Variants in A1CF observed in about 807,000 individuals in gnomAD.
The protein encoded by A1CF is APOBEC-1 stimulating protein.
A neutral mutation model predicts 68.9 loss-of-function variants in A1CF; 48 were observed. The ratio of observed to expected loss-of-function variants is 0.70; its 90% CI spans 0.55 to 0.89. The LOEUF is 0.89. A1CF is among the 40% of genes least tolerant of loss of function. A1CF has a pLI of 0.00. For missense variants in A1CF, 653 were observed against 718.9 expected, an observed-to-expected ratio of 0.91 and a Z score of 1.05; for synonymous variants, 272 against 260.4, an observed-to-expected ratio of 1.04 and a Z score of -0.43.
At position 50,806,849 on chromosome 10, in the gene A1CF, C is replaced by T. The variant is rs1209303940; in HGVS notation, c.1641G>A (p.Val547=). The T allele has an allele frequency of 2.2e-5, 35 of 1,612,974 alleles. No homozygotes were observed. The highest frequency in any genetic ancestry group is 4.0e-5 in the African/African-American group (3 of 74,966). ...GYAVPNATAP[V]SAAQLKQAVT... ...CCGCTTGCTTGAGCTGGGCTGCAGACACGGGTGCAGTTGCATTAGGGACAG... is the reference window on the plus strand; with the variant it reads ...CCGCTTGCTTGAGCTGGGCTGCAGATACGGGTGCAGTTGCATTAGGGACAG... Residue 547 remains valine (V), a synonymous_variant, in exon 13 of 13, where the codon GTG becomes GTA. Transcript: ENST00000373997.
intron 2 of A1CF, among the ~76,000 whole-genome samples, chr10:50,862,298 GA>G (rs1840784039): frequency 6.6e-6 from 1 of 151,968 alleles, no homozygotes; most frequent in African/African-American, 2.4e-5. Context: ...CCTGGGAGGT[GA>G]AGGTTGCAGT....
intron 11 of A1CF, 33 bp downstream of exon 11, chr10:50,811,007 T>G (rs989726101): frequency 1.1e-5 from 18 of 1,598,158 alleles, no homozygotes; most frequent in South Asian, 2.2e-5. Flanking sequence ...TATCCTGCTC[T>G]AAAATGGTAA....
chr10:50,828,512 G>C (rs954517882), intron 6 of A1CF: 1 of 375,032 alleles, frequency 2.7e-6, no homozygotes, highest in African/African-American at 2.1e-5. Flanking sequence ...TATAACTATC[G>C]ATTATAAAGG....
chr10:50,843,009 T>C (rs1839848666), intron 4 of A1CF, among the ~76,000 whole-genome samples: 1 of 152,212 alleles, frequency 6.6e-6, no homozygotes, highest in Non-Finnish European at 1.5e-5. Flanking sequence ...CAATTTACTA[T>C]CACTGGCTGC....
chr10:50,818,608 C>T (rs372694406), intron 8 of A1CF, among the ~76,000 whole-genome samples: 1 of 152,106 alleles, frequency 6.6e-6, no homozygotes, highest in African/African-American at 2.4e-5. Flanking sequence ...GAAAATCTAA[C>T]TTACAAATTG....
chr10:50,859,243 TA>T lies in A1CF; in HGVS notation c.99+598del, dbSNP rs539395217. On this transcript the variant is annotated intron_variant, in intron 3 of 12. Transcript: ENST00000373997. ...ATAAGTTCTCTAAAAGAAGATATCA[TA>T]AAGATAATAATAATATACAGATAAT... Among the ~76,000 whole-genome samples, 19 of 152,252 alleles carry T rather than the reference TA, an allele frequency of 1.2e-4. No individual in the cohort carries two copies. In the South Asian group the frequency reaches 2.1e-3, roughly 17 times the overall value.
At chr10:50,830,408 A>G (rs1446145846) in intron 6 of A1CF, among the ~76,000 whole-genome samples, 1 of 152,218 alleles carries the variant, frequency 6.6e-6, no homozygotes, top group African/African-American at 2.4e-5. Flanking sequence ...AAACAAGCTC[A>G]GTATAGCTGT....
chr10:50,832,303 T>C (rs2132412152), intron 6 of A1CF, among the ~76,000 whole-genome samples: 1 of 152,306 alleles, frequency 6.6e-6, no homozygotes, highest in South Asian at 2.1e-4. Context: ...ATCAGGGCTT[T>C]TGTTTTTTCC....
chr10:50,843,886 A>C (rs914311245), intron 4 of A1CF, 102 bp downstream of exon 4: 2 of 1,392,988 alleles, frequency 1.4e-6, no homozygotes, highest in African/African-American at 1.5e-5. Context: ...ATTGGAATGG[A>C]AACAGCCACT....
intron 1 of A1CF, among the ~76,000 whole-genome samples, chr10:50,876,679 C>T (rs1004169390): frequency 6.6e-6 from 1 of 152,120 alleles, no homozygotes; most frequent in Non-Finnish European, 1.5e-5. Context: ...TTCTGGGTCT[C>T]AAGCCTTTGG....
At position 50,863,345 on chromosome 10, in the gene A1CF, T is replaced by C. The variant is rs982934629; in HGVS notation, c.-46+688A>G. Among the ~76,000 whole-genome samples the C allele has an allele frequency of 2.0e-5, 3 of 152,222 alleles. No homozygotes were observed. In the East Asian group the frequency reaches 5.8e-4, roughly 29 times the overall value. ...CTTGGCCAAATTGAAATAAAGCCTTTGCAATACATCTTCTAATTTAGCACC... is the reference window on the plus strand; with the variant it reads ...CTTGGCCAAATTGAAATAAAGCCTTCGCAATACATCTTCTAATTTAGCACC... On this transcript the variant is annotated intron_variant, in intron 2 of 12. Transcript: ENST00000373997.
chr10:50,875,685 C>G (rs1003681222), intron 1 of A1CF, among the ~76,000 whole-genome samples: 2 of 152,192 alleles, frequency 1.3e-5, no homozygotes, highest in African/African-American at 4.8e-5. Flanking sequence ...TCTCTACACT[C>G]CTAGCTCTAT....
intron 6 of A1CF, among the ~76,000 whole-genome samples, chr10:50,833,604 T>C (rs1029029983): frequency 1.3e-5 from 2 of 152,188 alleles, no homozygotes; most frequent in Admixed American, 6.5e-5. Flanking sequence ...AAAGAAAAGT[T>C]TCTTGTTGTC....
chr10:50,810,110 G>A, intron 11 of A1CF, 68 bp from the exon 12 acceptor site: 2 of 1,568,336 alleles, frequency 1.3e-6, no homozygotes, highest in Non-Finnish European at 1.7e-6. Flanking sequence ...AAAACTTAAG[G>A]CACTATCAGC....
chr10:50,884,247 ATATCCAT>A (rs1841908440), intron 1 of A1CF, among the ~76,000 whole-genome samples: 1 of 152,216 alleles, frequency 6.6e-6, no homozygotes, highest in Admixed American at 6.5e-5. Context: ...TAGTGTTTTA[ATATCCAT>A]TATGTCATTT....
intron 12 of A1CF, among the ~76,000 whole-genome samples, chr10:50,807,181 G>A (rs921820570): frequency 4.6e-5 from 7 of 152,206 alleles, no homozygotes; most frequent in African/African-American, 1.4e-4. Context: ...AACTTAACAG[G>A]ATACTGAGTT....
chr10:50,873,194 G>C (rs1841356117), intron 1 of A1CF, among the ~76,000 whole-genome samples: 1 of 151,944 alleles, frequency 6.6e-6, no homozygotes, highest in Non-Finnish European at 1.5e-5. Flanking sequence ...GACCTCCAGT[G>C]ATTCACTCAC....
In A1CF at chr10:50,831,806, A is replaced by G. The variant is rs539758517; in HGVS notation, c.605-3511T>C. On this transcript the variant is annotated intron_variant, in intron 6 of 12. Transcript: ENST00000373997. Reference sequence around the variant, plus strand: ...GAAGAAATATAAATCGCCAACAGGTATATGAAAAAATGCTTAACATCTCTA... The same window carrying G: ...GAAGAAATATAAATCGCCAACAGGTGTATGAAAAAATGCTTAACATCTCTA... Among the ~76,000 whole-genome samples the G allele has an allele frequency of 5.3e-5, 8 of 152,332 alleles. No homozygotes were observed. The South Asian group carries it at 1.2e-3, about 24-fold the overall frequency.
In A1CF at chr10:50,802,910, G is replaced by A. The variant is rs1201620874; in HGVS notation, c.*3819C>T. On this transcript the variant is annotated 3_prime_UTR_variant, in exon 13 of 13. Transcript: ENST00000373997. Reference sequence around the variant, plus strand: ...AATAAAAATGGAACATTATATTGATGCAATATTTTGCTAATCTATGCAATC... The same window carrying A: ...AATAAAAATGGAACATTATATTGATACAATATTTTGCTAATCTATGCAATC... The A allele has an allele frequency of 2.0e-5, 3 of 152,032 alleles. No individual in the cohort carries two copies. Among genetic ancestry groups the A allele is most frequent in the Non-Finnish European group, 4.4e-5 (3 of 68,012 alleles). The allele number at this position is 152,032 out of a possible 1,614,324, so 9.4% of individuals were successfully genotyped here. A position where few individuals can be genotyped will look rare whatever the true frequency, so the allele number is the denominator to read the frequency against.
Sources: gnomAD v4.1 joint callset for allele counts (sites outside exome capture counted in the v4.1 genomes callset) on GRCh38, gnomAD v4.1.1 for gene constraint, MANE v1.5 for transcripts, NCBI Gene and HGNC (gene_info 2026-07-23, HGNC 2026-07-21) for gene names.